CEP112: variants seen among roughly 807,000 people sequenced by gnomAD.
CEP112 encodes the protein centrosomal protein of 112 kDa.
In CEP112, 127 loss-of-function variants were observed where a neutral mutation model predicts 153.0. The ratio of observed to expected loss-of-function variants is 0.83; its 90% CI spans 0.72 to 0.96. CEP112 has a LOEUF of 0.96. CEP112 is among the 40% of genes least tolerant of loss of function. The pLI, the probability that CEP112 is intolerant of heterozygous loss-of-function variation, is 0.00. For missense variants in CEP112, 1,089 were observed against 1,101.2 expected (o/e 0.99, Z 0.16); for synonymous variants, 358 against 374.4 (o/e 0.96, Z 0.51).
At chr17:65,866,101 G>A (rs993842382) in intron 20 of CEP112, among the ~76,000 whole-genome samples, 3 of 152,168 alleles carry the variant, frequency 2.0e-5, no homozygotes, top group Middle Eastern at 3.4e-3. Flanking sequence ...ACGCAGCCAC[G>A]TACCCAGGCA....
At chr17:65,714,602 C>T (rs564110326) in intron 23 of CEP112, among the ~76,000 whole-genome samples, 21 of 152,240 alleles carry the variant, frequency 1.4e-4, no homozygotes, top group African/African-American at 4.8e-4. Flanking sequence ...TAGCCACCTG[C>T]GTACCTAGCC....
At chr17:65,706,516 C>T (rs1376161219) in intron 23 of CEP112, among the ~76,000 whole-genome samples, 1 of 152,176 alleles carries the variant, frequency 6.6e-6, no homozygotes, top group Non-Finnish European at 1.5e-5. Context: ...AAGATACACA[C>T]AGTTACTTCC....
chr17:66,099,496 C>T (rs2068476019), intron 6 of CEP112, among the ~76,000 whole-genome samples: 1 of 104,756 alleles, frequency 9.5e-6, no homozygotes, highest in Non-Finnish European at 2.0e-5. Context: ...AAGAATGAAA[C>T]TCTGTCTCAA....
At position 66,132,664 on chromosome 17, in the gene CEP112, T is replaced by G. The variant is rs1316602863; in HGVS notation, c.564+6A>C. 1.9e-6 allele frequency: 3 copies of G among 1,598,570 alleles called. No individual in the cohort carries two copies. The highest frequency in any genetic ancestry group is 2.6e-6 in the Non-Finnish European group (3 of 1,166,130). On this transcript the variant is annotated splice_donor_region_variant and intron_variant, in intron 5 of 26. Coordinates refer to ENST00000535342, the MANE Select transcript of CEP112 (RefSeq NM_001199165.4). The stretch of plus-strand genomic sequence containing the variant: ...AAAACCAAACAAAAGTAAAATCTAA[T>G]CTTACACAAATCTTTGGGGTAATAT...
intron 18 of CEP112, among the ~76,000 whole-genome samples, chr17:65,956,588 A>G (rs1375761050): frequency 6.7e-6 from 1 of 148,534 alleles, no homozygotes; most frequent in Non-Finnish European, 1.5e-5. Context: ...ACACAAACAC[A>G]TAAGAATGAT....
At chr17:66,077,066 C>G (rs1188850412) in intron 8 of CEP112, among the ~76,000 whole-genome samples, 1 of 152,142 alleles carries the variant, frequency 6.6e-6, no homozygotes, top group Non-Finnish European at 1.5e-5. Context: ...AGCCTTCAGT[C>G]CTAGACTTTT....
intron 14 of CEP112, 68 bp downstream of exon 14, chr17:66,029,055 G>T: frequency 8.6e-7 from 1 of 1,157,160 alleles, no homozygotes; most frequent in Non-Finnish European, 1.2e-6. Flanking sequence ...ATTTCTACTT[G>T]GCTATCTATG....
intron 18 of CEP112, among the ~76,000 whole-genome samples, chr17:65,942,288 C>T (rs774918501): frequency 6.6e-6 from 1 of 152,184 alleles, no homozygotes; most frequent in African/African-American, 2.4e-5. Flanking sequence ...TCAGGTGGAA[C>T]AGTTTCATCC....
chr17:65,642,011 T>G (rs1163375551), intron 24 of CEP112, among the ~76,000 whole-genome samples: 17 of 152,166 alleles, frequency 1.1e-4, no homozygotes, highest in Admixed American at 1.1e-3. Flanking sequence ...TGGTGGCTCA[T>G]CCCATTCATC....
Position 65,970,378 on chromosome 17 carries a change from CATGCATATA to C in CEP112, c.1737-8789_1737-8781del, listed in dbSNP as rs2062652626. Among the ~76,000 whole-genome samples the C allele has an allele frequency of 1.6e-4, 10 of 62,838 alleles. No homozygotes were observed. The East Asian group carries it at 7.0e-3, about 44-fold the overall frequency. The allele number at this position is 62,838 out of a possible 152,430, so 41.2% of individuals were successfully genotyped here. On this transcript the variant is annotated intron_variant, in intron 17 of 26. Transcript: ENST00000535342. ...ATGTGCCTATATTACATGCACACATCATGCATATATATTACATGCATGCACACATCATGC... is the reference window on the plus strand; with the variant it reads ...ATGTGCCTATATTACATGCACACATCTATTACATGCATGCACACATCATGC...
In CEP112 at chr17:66,123,346, C is replaced by T. The variant is rs1358525336; in HGVS notation, c.642+6400G>A. 2.6e-5 allele frequency among the ~76,000 whole-genome samples: 4 copies of T among 152,294 alleles called. No homozygotes were observed. The East Asian group carries it at 7.7e-4, about 29-fold the overall frequency. On this transcript the variant is annotated intron_variant, in intron 6 of 26. Coordinates refer to ENST00000535342, the MANE Select transcript of CEP112 (RefSeq NM_001199165.4). ...GCCCCTCCCAATACAATACTGTATCCCTTGATTGGGAGCTCAGGGGAGAGA... is the reference window on the plus strand; with the variant it reads ...GCCCCTCCCAATACAATACTGTATCTCTTGATTGGGAGCTCAGGGGAGAGA...
At chr17:65,747,050 T>C (rs766843575) in intron 22 of CEP112, among the ~76,000 whole-genome samples, 10 of 146,050 alleles carry the variant, frequency 6.8e-5, no homozygotes, top group Non-Finnish European at 1.0e-4. Context: ...TTTGCAAAAA[T>C]GTTAGTGGTC....
At chr17:66,188,916 G>A (rs2073055409) in intron 1 of CEP112, among the ~76,000 whole-genome samples, 2 of 152,134 alleles carry the variant, frequency 1.3e-5, no homozygotes. Context: ...GTACTCCGGG[G>A]CTTAAAGACT....
chr17:65,738,967 C>A (rs1463246889), intron 23 of CEP112, among the ~76,000 whole-genome samples: 2 of 152,188 alleles, frequency 1.3e-5, no homozygotes, highest in Non-Finnish European at 2.9e-5. Context: ...GGCCCTATGA[C>A]CTATCTTGAT....
intron 24 of CEP112, among the ~76,000 whole-genome samples, chr17:65,648,928 G>A (rs1380879629): frequency 6.6e-6 from 1 of 152,154 alleles, no homozygotes; most frequent in Non-Finnish European, 1.5e-5. Context: ...GCAGGCGCCT[G>A]TAATCCCAGC....
At chr17:65,990,993 T>C (rs2063574410) in intron 17 of CEP112, among the ~76,000 whole-genome samples, 1 of 152,206 alleles carries the variant, frequency 6.6e-6, no homozygotes. Context: ...CTCTGGTCCC[T>C]GAATAACCAA....
intron 21 of CEP112, among the ~76,000 whole-genome samples, chr17:65,762,336 G>C (rs938149848): frequency 6.6e-6 from 1 of 151,704 alleles, no homozygotes; most frequent in Non-Finnish European, 1.5e-5. Context: ...TTTAAAGCAG[G>C]TTTCTTGGAG....
At chr17:65,922,111 A>G (rs904682070) in intron 19 of CEP112, among the ~76,000 whole-genome samples, 1 of 152,090 alleles carries the variant, frequency 6.6e-6, no homozygotes, top group African/African-American at 2.4e-5. Flanking sequence ...TAAAAGTACC[A>G]ATTTCACTAA....
chr17:65,846,308 T>G (rs1361657236), intron 21 of CEP112, among the ~76,000 whole-genome samples: 2 of 152,182 alleles, frequency 1.3e-5, no homozygotes, highest in Non-Finnish European at 2.9e-5. Flanking sequence ...AACTCAAATT[T>G]TAAAAAATTT....
Sources: allele counts gnomAD v4.1 joint callset (sites outside exome capture counted in the v4.1 genomes callset), GRCh38; gene constraint gnomAD v4.1.1; transcripts MANE v1.5; gene names NCBI Gene and HGNC (gene_info 2026-07-23, HGNC 2026-07-21).